The following NALF1 variants were observed in gnomAD, a reference collection of about 807,000 sequenced individuals.
NALF1 encodes the protein NALCN channel auxiliary factor 1.
A neutral mutation model predicts 48.4 loss-of-function variants in NALF1; 3 were observed. The observed-to-expected ratio is 0.06, with a 90% CI of 0.03 to 0.16. NALF1 has a LOEUF of 0.16. Among genes scored for constraint, NALF1 ranks in the 10% least tolerant of loss-of-function variants. NALF1 has a pLI of 1.00. For synonymous variants in NALF1, 262 were observed against 245.7 expected, an observed-to-expected ratio of 1.07 and a Z score of -0.62; for missense variants, 526 against 571.5, an observed-to-expected ratio of 0.92 and a Z score of 0.81.
intron 1 of NALF1, among the ~76,000 whole-genome samples, chr13:107,694,519 T>C (rs1881654466): frequency 6.6e-6 from 1 of 151,970 alleles, no homozygotes; most frequent in Non-Finnish European, 1.5e-5. Flanking sequence ...GGGTGGGAGG[T>C]GGAGATCTGC....
intron 1 of NALF1, among the ~76,000 whole-genome samples, chr13:107,743,129 C>A (rs1269072261): frequency 6.6e-6 from 1 of 152,148 alleles, no homozygotes; most frequent in Admixed American, 6.5e-5. Context: ...TTTAGCATGT[C>A]GATATCCCAA....
At chr13:107,599,435 A>T (rs9559084) in intron 1 of NALF1, among the ~76,000 whole-genome samples, 36,567 of 150,980 alleles carry the variant, frequency 0.24, 5,115 homozygotes, top group East Asian at 0.38. Context: ...AAAAAAAAAA[A>T]AAAATAACAT....
intron 1 of NALF1, among the ~76,000 whole-genome samples, chr13:107,756,586 T>A (rs954331782): frequency 1.3e-5 from 2 of 152,094 alleles, no homozygotes; most frequent in African/African-American, 4.8e-5. Flanking sequence ...ACTGTCATTT[T>A]AAAATTTTTA....
intron 1 of NALF1, among the ~76,000 whole-genome samples, chr13:107,539,638 T>C (rs959398043): frequency 1.3e-5 from 2 of 152,180 alleles, no homozygotes; most frequent in Admixed American, 6.6e-5. Flanking sequence ...AATACATTAA[T>C]ATTCTGAAAT....
chr13:107,831,788 C>A (rs1879740423), intron 1 of NALF1, among the ~76,000 whole-genome samples: 1 of 152,182 alleles, frequency 6.6e-6, no homozygotes, highest in African/African-American at 2.4e-5. Flanking sequence ...ACAATGTATG[C>A]CACCTCTCAT....
chr13:107,299,491 AAAG>A (rs1815660516), intron 1 of NALF1, among the ~76,000 whole-genome samples: 1 of 147,032 alleles, frequency 6.8e-6, no homozygotes, highest in Non-Finnish European at 1.5e-5. Flanking sequence ...AATAAATAAA[AAAG>A]AAGGATATAA....
chr13:107,786,552 G>GA (rs1285735794), intron 1 of NALF1, among the ~76,000 whole-genome samples: 2 of 150,182 alleles, frequency 1.3e-5, no homozygotes, highest in African/African-American at 4.9e-5. Flanking sequence ...CCAACATGGC[G>GA]AAACCCCATC....
At chr13:107,305,714 A>G (rs1881923708) in intron 1 of NALF1, among the ~76,000 whole-genome samples, 1 of 152,250 alleles carries the variant, frequency 6.6e-6, no homozygotes, top group South Asian at 2.1e-4. Flanking sequence ...AATGAATCTT[A>G]CAGACTTTAC....
At chr13:107,763,248 T>A (rs556967029) in intron 1 of NALF1, among the ~76,000 whole-genome samples, 5 of 151,578 alleles carry the variant, frequency 3.3e-5, no homozygotes, top group Non-Finnish European at 4.4e-5. Flanking sequence ...CTCTTCAACC[T>A]CCTCCTCCCC....
chr13:107,508,842 A>T (rs1875786702), intron 1 of NALF1, among the ~76,000 whole-genome samples: 2 of 147,490 alleles, frequency 1.4e-5, no homozygotes, highest in Admixed American at 6.8e-5. Context: ...TTCACTTATT[A>T]AAAAAAAAAC....
At chr13:107,660,432 C>T (rs1880697809) in intron 1 of NALF1, among the ~76,000 whole-genome samples, 1 of 107,470 alleles carries the variant, frequency 9.3e-6, no homozygotes, top group South Asian at 3.9e-4. Flanking sequence ...GACTCTGTCT[C>T]AAAAACACAC....
intron 1 of NALF1, among the ~76,000 whole-genome samples, chr13:107,625,338 G>A (rs536884398): frequency 2.8e-4 from 43 of 152,184 alleles, no homozygotes; most frequent in Non-Finnish European, 4.9e-4. Context: ...ACTTTCTTGC[G>A]TTTAGCAGAA....
intron 1 of NALF1, among the ~76,000 whole-genome samples, chr13:107,262,599 CAT>C (rs1350307527): frequency 6.6e-6 from 1 of 152,118 alleles, no homozygotes; most frequent in African/African-American, 2.4e-5. Flanking sequence ...CCTCAGAAAA[CAT>C]GATTTCTTTA....
chr13:107,735,090 G>A (rs1251562903), intron 1 of NALF1, among the ~76,000 whole-genome samples: 3 of 151,944 alleles, frequency 2.0e-5, no homozygotes, highest in Non-Finnish European at 4.4e-5. Flanking sequence ...GAAGCCTCGT[G>A]GGCTGAGAGC....
intron 1 of NALF1, among the ~76,000 whole-genome samples, chr13:107,634,055 G>C (rs895929988): frequency 6.6e-6 from 1 of 151,784 alleles, no homozygotes; most frequent in Non-Finnish European, 1.5e-5. Flanking sequence ...AAATAATCAA[G>C]ATACATGTAT....
intron 1 of NALF1, among the ~76,000 whole-genome samples, chr13:107,810,329 A>G (rs1449185929): frequency 6.6e-6 from 1 of 151,990 alleles, no homozygotes. Flanking sequence ...CTCTGTCACT[A>G]ACAATTTATC....
intron 1 of NALF1, among the ~76,000 whole-genome samples, chr13:107,417,918 G>A (rs978248373): frequency 1.3e-4 from 20 of 152,002 alleles, no homozygotes; most frequent in African/African-American, 4.8e-4. Context: ...AAATATAGCC[G>A]GGTAGGGTGG....
chr13:107,832,890 G>A (rs2036708), intron 1 of NALF1, among the ~76,000 whole-genome samples: 25,214 of 151,444 alleles, frequency 0.17, 3,050 homozygotes, highest in African/African-American at 0.34. Context: ...TCTTAAGAGC[G>A]CTCAGTAGTT....
chr13:107,221,450 C>A (rs565601230), intron 1 of NALF1, among the ~76,000 whole-genome samples: 60 of 152,176 alleles, frequency 3.9e-4, no homozygotes, highest in African/African-American at 1.3e-3. Context: ...CGTGGCGGTG[C>A]ATGCCTGTAA....
Sources: gnomAD v4.1 joint callset for allele counts (sites outside exome capture counted in the v4.1 genomes callset) on GRCh38, gnomAD v4.1.1 for gene constraint, MANE v1.5 for transcripts, NCBI Gene and HGNC (gene_info 2026-07-23, HGNC 2026-07-21) for gene names.